STK3: variants seen among roughly 807,000 people sequenced by gnomAD.
STK3 encodes the protein serine/threonine-protein kinase 3.
In STK3, 41 loss-of-function variants were observed where a neutral mutation model predicts 58.0. The observed-to-expected ratio is 0.71, with a 90% CI of 0.55 to 0.92. The LOEUF (loss-of-function observed/expected upper bound fraction) is 0.92. Among genes scored for constraint, STK3 ranks in the 40% least tolerant of loss-of-function variants. STK3 has a pLI of 0.00. For missense variants in STK3, 479 were observed against 602.7 expected, an observed-to-expected ratio of 0.79 and a Z score of 2.15; for synonymous variants, 170 against 191.0, an observed-to-expected ratio of 0.89 and a Z score of 0.91.
At chr8:98,463,193 T>C (rs1820145307) in intron 10 of STK3, 1 of 152,190 alleles carries the variant, frequency 6.6e-6, no homozygotes, top group Non-Finnish European at 1.5e-5. Flanking sequence ...ATATTGTTTT[T>C]AGTTAAATTA....
chr8:98,580,309 T>C (rs542851717), intron 7 of STK3, among the ~76,000 whole-genome samples: 7 of 152,306 alleles, frequency 4.6e-5, no homozygotes, highest in African/African-American at 1.7e-4. Flanking sequence ...AGAAAATGAA[T>C]GTTGCCTAAT....
At chr8:98,356,594 G>C in the STK3 span, among the ~76,000 whole-genome samples, 1 of 152,144 alleles carries the variant, frequency 6.6e-6, no homozygotes, top group Non-Finnish European at 1.5e-5. Context: ...CCCAAATGTG[G>C]GAATGCTATG....
intron 1 of STK3, among the ~76,000 whole-genome samples, chr8:98,801,453 T>C (rs1183607901): frequency 6.6e-6 from 1 of 152,204 alleles, no homozygotes; most frequent in Non-Finnish European, 1.5e-5. Context: ...TCTTTGGGTC[T>C]GCACTGCCTT....
intron 4 of STK3, among the ~76,000 whole-genome samples, chr8:98,710,577 G>T: frequency 6.6e-6 from 1 of 152,200 alleles, no homozygotes; most frequent in East Asian, 1.9e-4. Flanking sequence ...ACTGCAATGC[G>T]GCAGCGAGGC....
At chr8:98,917,399 C>T (rs1839383217) in intron 1 of STK3, among the ~76,000 whole-genome samples, 1 of 152,128 alleles carries the variant, frequency 6.6e-6, no homozygotes, top group Non-Finnish European at 1.5e-5. Context: ...CAGAGGTGGG[C>T]TTCTCATCTG....
chr8:98,740,149 A>G (rs1045624859), intron 4 of STK3, among the ~76,000 whole-genome samples: 4 of 152,192 alleles, frequency 2.6e-5, no homozygotes, highest in African/African-American at 4.8e-5. Flanking sequence ...GGGAGAATGG[A>G]ACCAAGTTGG....
intron 9 of STK3, among the ~76,000 whole-genome samples, chr8:98,537,935 C>T (rs1809907415): frequency 6.6e-6 from 1 of 152,040 alleles, no homozygotes; most frequent in Admixed American, 6.6e-5. Flanking sequence ...AGTCCACCCA[C>T]AATTATTCAT....
At chr8:98,636,510 T>G (rs1819630333) in intron 6 of STK3, among the ~76,000 whole-genome samples, 1 of 152,154 alleles carries the variant, frequency 6.6e-6, no homozygotes, top group Non-Finnish European at 1.5e-5. Flanking sequence ...AGACATGGAA[T>G]CCAGTGGAAA....
chr8:98,774,403 AT>A (rs146567648), intron 2 of STK3, among the ~76,000 whole-genome samples: 3,643 of 152,302 alleles, frequency 0.024, 135 homozygotes, highest in African/African-American at 0.081. Flanking sequence ...ATCTAAAAGG[AT>A]GGCCTTATGG....
intron 10 of STK3, among the ~76,000 whole-genome samples, chr8:98,457,566 T>G (rs1382441362): frequency 6.6e-6 from 1 of 152,252 alleles, no homozygotes; most frequent in African/African-American, 2.4e-5. Context: ...AATCATGTAC[T>G]ATTTTATAAT....
At chr8:98,579,025 C>A (rs1813638321) in intron 8 of STK3, among the ~76,000 whole-genome samples, 1 of 151,980 alleles carries the variant, frequency 6.6e-6, no homozygotes, top group African/African-American at 2.4e-5. Context: ...GTAGTGTGCG[C>A]CTGTAGTCCC....
intron 1 of STK3, among the ~76,000 whole-genome samples, chr8:98,382,091 G>T (rs1817738206): frequency 6.6e-6 from 1 of 152,142 alleles, no homozygotes; most frequent in African/African-American, 2.4e-5. Flanking sequence ...AAATAGTTGG[G>T]GACCTAGGAG....
Position 98,432,594 on chromosome 8 carries a change from C to T in STK3, n.483+1533G>A, listed in dbSNP as rs553827965. The T allele has an allele frequency of 7.2e-5, 12 of 167,196 alleles. No homozygotes were observed. The East Asian group carries it at 2.3e-3, about 32-fold the overall frequency. The allele number at this position is 167,196 out of a possible 1,614,324, so 10.4% of individuals were successfully genotyped here. On this transcript the variant is annotated intron_variant and non_coding_transcript_variant, in intron 3 of 3. Coordinates refer to the STK3 transcript ENST00000517832. ...CATTTGTTATTTCTACTTATCTTAG[C>T]ACTCAAATAATTGAACTACCTGCTA... is the stretch of plus-strand genomic sequence containing the variant.
At chr8:98,522,944 T>C (rs918510295) in intron 10 of STK3, among the ~76,000 whole-genome samples, 3 of 152,204 alleles carry the variant, frequency 2.0e-5, no homozygotes, top group Non-Finnish European at 1.5e-5. Flanking sequence ...CATTCATCCA[T>C]CAATGGACAC....
intron 6 of STK3, among the ~76,000 whole-genome samples, chr8:98,671,048 C>G (rs1219909455): frequency 1.3e-5 from 2 of 152,084 alleles, no homozygotes; most frequent in African/African-American, 4.8e-5. Flanking sequence ...CAAGAAAAAT[C>G]CTGCATCAAC....
At position 98,548,053 on chromosome 8, in the gene STK3, G is replaced by A; in HGVS notation, c.1057C>T (p.His353Tyr). The change falls in exon 9 of 11, where the codon CAT (histidine) becomes TAT (tyrosine). Residue 353 changes from histidine to tyrosine, a missense_variant. By Grantham distance (83) the His-to-Tyr change is moderately conservative (BLOSUM62 2). Coordinates refer to ENST00000419617, the MANE Select transcript of STK3 (RefSeq NM_006281.4). Reference protein sequence around the residue: ...MSEGAQTMIEHNSTMLESDLG... With the variant: ...MSEGAQTMIEYNSTMLESDLG... ...TCGGATTCCAACATCGTGCTATTAT[G>A]TTCAATCATGGTCTGGGCCCCTTCA... 1 of 1,610,558 alleles carries A rather than the reference G, an allele frequency of 6.2e-7. No homozygotes were observed. Among genetic ancestry groups the A allele is most frequent in the Non-Finnish European group, 8.5e-7 (1 of 1,178,428 alleles).
At chr8:98,789,169 C>T (rs1351620939) in intron 1 of STK3, among the ~76,000 whole-genome samples, 2 of 152,094 alleles carry the variant, frequency 1.3e-5, no homozygotes, top group Non-Finnish European at 2.9e-5. Flanking sequence ...ATCATTGGGT[C>T]AAAAATGAAA....
chr8:98,680,051 T>A (rs944646256), intron 6 of STK3, among the ~76,000 whole-genome samples: 1 of 152,204 alleles, frequency 6.6e-6, no homozygotes, highest in Non-Finnish European at 1.5e-5. Flanking sequence ...TTCTAACTTT[T>A]CCATTAGAAT....
chr8:98,818,882 G>A lies in STK3; in HGVS notation c.26+6633C>T, dbSNP rs191697871. 5.6e-4 allele frequency among the ~76,000 whole-genome samples: 85 copies of A among 152,068 alleles called. No homozygotes were observed. The South Asian group carries it at 0.016, about 29-fold the overall frequency. ...GTCGCCCAGGCTGGAGTTCGGTGGC[G>A]CAATCTCGGCTCACTGCAAGCTCCG... is the stretch of plus-strand genomic sequence containing the variant. On this transcript the variant is annotated intron_variant, in intron 1 of 10. Transcript: ENST00000419617.
Sources: gnomAD v4.1 joint callset for allele counts (sites outside exome capture counted in the v4.1 genomes callset) on GRCh38, gnomAD v4.1.1 for gene constraint, MANE v1.5 for transcripts, NCBI Gene and HGNC (gene_info 2026-07-23, HGNC 2026-07-21) for gene names.